The following NOP9 variants were observed in gnomAD, a reference collection of about 807,000 sequenced individuals.
The protein encoded by NOP9 is NOP9 nucleolar protein, also known as nucleolar protein 9.
Under a neutral mutation model 63.0 loss-of-function variants are expected in NOP9, and 50 were observed. That is an observed-to-expected ratio of 0.79 (90% CI 0.63 to 1.00). NOP9 has a LOEUF of 1.00. Among genes scored for constraint, NOP9 ranks in the 50% least tolerant of loss-of-function variants. The pLI, the probability that NOP9 is intolerant of heterozygous loss-of-function variation, is 0.00. For synonymous variants in NOP9, 343 were observed against 332.8 expected, an observed-to-expected ratio of 1.03 and a Z score of -0.33; for missense variants, 758 against 803.0, an observed-to-expected ratio of 0.94 and a Z score of 0.68.
chr14:24,300,808 G>A lies in NOP9; in HGVS notation c.648G>A (p.Gly216=). ...GAACTCTGCTTCAGGTGTTAGGAGGGACTATTCTGGAGTCTGAGAGAGCCA... is the reference window on the plus strand; with the variant it reads ...GAACTCTGCTTCAGGTGTTAGGAGGAACTATTCTGGAGTCTGAGAGAGCCA... The part of the protein sequence containing the change: ...VVRTLLQVLG[G]TILESERARP... The change falls in exon 2 of 10, where the codon GGG becomes GGA. Residue 216 remains glycine, a synonymous_variant. Coordinates refer to ENST00000267425, the MANE Select transcript of NOP9 (RefSeq NM_174913.3). The A allele has an allele frequency of 6.2e-7, 1 of 1,614,202 alleles. No individual in the cohort carries two copies. Among genetic ancestry groups the A allele is most frequent in the Non-Finnish European group, 8.5e-7 (1 of 1,180,032 alleles).
In NOP9 at chr14:24,302,261, C is replaced by T. The variant is rs747813716; in HGVS notation, c.980C>T (p.Thr327Met). ...CTACTGCTATTTCTCCGAGATCAGA[C>T]GAGTTCCAGACTCCTGGAGCAGGTC... ...SPLLLFLRDQ[T>M]SSRLLEQVLL... is the part of the protein sequence containing the mutation. Residue 327 changes from threonine to methionine, a missense_variant, in exon 5 of 10, where the codon ACG (threonine) becomes ATG (methionine). Physicochemically the swap from Thr to Met is moderately conservative, Grantham distance 81. Transcript: ENST00000267425. 67 of 1,613,558 alleles carry T rather than the reference C, an allele frequency of 4.2e-5. No individual in the cohort carries two copies. Among genetic ancestry groups the T allele is most frequent in the Admixed American group, 1.8e-4 (11 of 60,008 alleles).
the NOP9 span, among the ~76,000 whole-genome samples, chr14:24,284,556 G>A: frequency 6.6e-6 from 1 of 152,098 alleles, no homozygotes; most frequent in Non-Finnish European, 1.5e-5. Flanking sequence ...GGGGAGGGTG[G>A]GCCAAACTAG....
At chr14:24,272,429 G>A in the NOP9 span, among the ~76,000 whole-genome samples, 1 of 152,084 alleles carries the variant, frequency 6.6e-6, no homozygotes, top group Non-Finnish European at 1.5e-5. Context: ...GTAGTGAATG[G>A]CACTATTTCC....
chr14:24,278,642 C>T, the NOP9 span, among the ~76,000 whole-genome samples: 6 of 152,142 alleles, frequency 3.9e-5, no homozygotes, highest in Admixed American at 1.3e-4. Flanking sequence ...GGTGGAATAA[C>T]GATAGTGTAT....
Position 24,306,320 on chromosome 14 carries a change from C to G in NOP9, c.*1225C>G. The stretch of plus-strand genomic sequence containing the variant: ...TCAGGGTTAAGCTAGAGAGGAAGCC[C>G]GGGAAAGCTCTAAAGGACAGGCATT... On this transcript the variant is annotated 3_prime_UTR_variant, in exon 10 of 10. Transcript: ENST00000267425. 1 of 1,608,404 alleles carries G rather than the reference C, an allele frequency of 6.2e-7. No individual in the cohort carries two copies. The highest frequency in any genetic ancestry group is 8.5e-7 in the Non-Finnish European group (1 of 1,175,394).
At position 24,299,914 on chromosome 14, in the gene NOP9, G is replaced by GTTAA. The variant is rs1407491689; in HGVS notation, c.-40_-37dup. 8 of 1,510,880 alleles carry GTTAA rather than the reference G, an allele frequency of 5.3e-6. No individual in the cohort carries two copies. The highest frequency in any genetic ancestry group is 6.2e-6 in the Non-Finnish European group (7 of 1,131,850). 93.6% of individuals were successfully genotyped at this position (1,510,880 alleles called of 1,614,324 possible). On this transcript the variant is annotated 5_prime_UTR_variant, in exon 1 of 10. Coordinates refer to ENST00000267425, the MANE Select transcript of NOP9 (RefSeq NM_174913.3). ...TGGCGACGTCGAAGGTCCGTCCGCA[G>GTTAA]TTAAGGAAGCTTTTGCAGCCGGACA...
At chr14:24,282,718 C>T in the NOP9 span, among the ~76,000 whole-genome samples, 1 of 152,196 alleles carries the variant, frequency 6.6e-6, no homozygotes. Context: ...CTCCCTTTGC[C>T]TACTTCCCAG....
the NOP9 span, among the ~76,000 whole-genome samples, chr14:24,284,679 A>G: frequency 4.6e-5 from 7 of 152,276 alleles, no homozygotes; most frequent in African/African-American, 1.7e-4. Context: ...AAGGGACCAG[A>G]TGCTTCAGCG....
intron 2 of NOP9, 112 bp from the exon 3 acceptor site, chr14:24,301,500 A>G (rs1007514508): frequency 1.6e-6 from 2 of 1,285,476 alleles, no homozygotes; most frequent in African/African-American, 1.5e-5. Context: ...ATTTAGTTGT[A>G]CTACATCTGT....
At chr14:24,271,299 G>A in the NOP9 span, 1 of 683,166 alleles carries the variant, frequency 1.5e-6, no homozygotes, top group South Asian at 3.4e-5. Context: ...GGCTTTGCAC[G>A]TTCCACAAGA....
intron 8 of NOP9, 23 bp from the exon 9 acceptor site, chr14:24,304,470 C>T (rs762789353): frequency 6.4e-7 from 1 of 1,572,950 alleles, no homozygotes; most frequent in South Asian, 1.2e-5. Flanking sequence ...CTAGGGAGAC[C>T]TACTTTGCTT....
chr14:24,300,329 A>G, intron 1 of NOP9, 79 bp from the exon 2 acceptor site: 1 of 1,556,216 alleles, frequency 6.4e-7, no homozygotes, highest in Non-Finnish European at 8.7e-7. Context: ...CCTCCGACCC[A>G]CGACCCTTGG....
rs1566415863 is a variant in NOP9 at position 24,305,983 on chromosome 14, C to G, written c.*888C>G. ...CTTTGGGCCAAGTCCTTGAAAGTCA[C>G]AACTCATAGAGTAGAGCCCGTAGAA... is the stretch of plus-strand genomic sequence containing the variant. On this transcript the variant is annotated 3_prime_UTR_variant, in exon 10 of 10. Coordinates refer to ENST00000267425, the MANE Select transcript of NOP9 (RefSeq NM_174913.3). The G allele has an allele frequency of 6.2e-7, 1 of 1,614,072 alleles. No individual in the cohort carries two copies. The highest frequency in any genetic ancestry group is 8.5e-7 in the Non-Finnish European group (1 of 1,179,990).
chr14:24,273,789 C>T, the NOP9 span, among the ~76,000 whole-genome samples: 1 of 152,198 alleles, frequency 6.6e-6, no homozygotes, highest in African/African-American at 2.4e-5. Context: ...TGCCTGGCTA[C>T]AAATCCTAGC....
In NOP9 at chr14:24,307,714, G is replaced by A. The variant is rs1300517738; in HGVS notation, c.*2619G>A. The A allele has an allele frequency of 7.5e-7, 1 of 1,339,698 alleles. No individual in the cohort carries two copies. The highest frequency in any genetic ancestry group is 1.5e-5 in the African/African-American group (1 of 68,758). The allele number at this position is 1,339,698 out of a possible 1,614,324, so 83.0% of individuals were successfully genotyped here. A position where few individuals can be genotyped will look rare whatever the true frequency, so the allele number is the denominator to read the frequency against. ...CAAGCCCACTGTGGAGTGGGGAGCA[G>A]GAGAGGAAGGGGTACTGGTTAGTCT... On this transcript the variant is annotated 3_prime_UTR_variant, in exon 10 of 10. Coordinates refer to ENST00000267425, the MANE Select transcript of NOP9 (RefSeq NM_174913.3).
chr14:24,291,611 G>A, the NOP9 span: 1 of 1,614,238 alleles, frequency 6.2e-7, no homozygotes, highest in South Asian at 1.1e-5. Flanking sequence ...CCGCAGATGA[G>A]AAGGCTGATT....
chr14:24,279,491 A>G, the NOP9 span, among the ~76,000 whole-genome samples: 1 of 152,204 alleles, frequency 6.6e-6, no homozygotes, highest in Non-Finnish European at 1.5e-5. Context: ...AGGTTGCCCT[A>G]AAAGACAGAA....
chr14:24,304,100 C>G lies in NOP9; in HGVS notation c.1470C>G (p.Leu490=), dbSNP rs541322895. 2.0e-5 allele frequency: 33 copies of G among 1,614,136 alleles called. No homozygotes were observed. In the East Asian group the frequency reaches 6.5e-4, roughly 32 times the overall value. The change falls in exon 8 of 10, where the codon CTC becomes CTG. Residue 490 remains leucine, a synonymous_variant. Transcript: ENST00000267425. ...GDVTVLGSLL[L]QHLLHFSTPG... ...TGACAGTCCTTGGGTCTCTACTGCTCCAGCATCTGCTGCACTTCTCCACTC... is the reference window on the plus strand; with the variant it reads ...TGACAGTCCTTGGGTCTCTACTGCTGCAGCATCTGCTGCACTTCTCCACTC...
upstream of NOP9, chr14:24,296,950 C>A (rs2041260099): frequency 6.2e-7 from 1 of 1,603,116 alleles, no homozygotes; most frequent in Non-Finnish European, 8.5e-7. Context: ...ACTCCCCAAC[C>A]AAAGTGGGCT....
Sources: gnomAD v4.1 joint callset for allele counts (sites outside exome capture counted in the v4.1 genomes callset) on GRCh38, gnomAD v4.1.1 for gene constraint, MANE v1.5 for transcripts, NCBI Gene and HGNC (gene_info 2026-07-23, HGNC 2026-07-21) for gene names.